Variants in ALOX5 observed in about 807,000 individuals in gnomAD.
ALOX5 encodes the protein arachidonate 5-lipoxygenase, also known as polyunsaturated fatty acid 5-lipoxygenase.
ALOX5 carries 64 observed loss-of-function variants against 87.9 expected under a neutral mutation model. The observed-to-expected ratio is 0.73, with a 90% CI of 0.60 to 0.90. The LOEUF (loss-of-function observed/expected upper bound fraction) is 0.90. Among genes scored for constraint, ALOX5 ranks in the 40% least tolerant of loss-of-function variants. The pLI, the probability that ALOX5 is intolerant of heterozygous loss-of-function variation, is 0.00. For synonymous variants in ALOX5, 388 were observed against 355.1 expected, an observed-to-expected ratio of 1.09 and a Z score of -1.04; for missense variants, 822 against 907.5, an observed-to-expected ratio of 0.91 and a Z score of 1.21.
chr10:45,428,419 C>T (rs1237019834), intron 6 of ALOX5, 199 bp from the exon 7 acceptor site: 2 of 635,322 alleles, frequency 3.1e-6, no homozygotes, highest in African/African-American at 1.8e-5. Context: ...CTTCATCTTA[C>T]CCCGAACTGC....
intron 6 of ALOX5, among the ~76,000 whole-genome samples, chr10:45,427,744 A>G (rs1385212182): frequency 6.6e-6 from 1 of 152,030 alleles, no homozygotes; most frequent in Non-Finnish European, 1.5e-5. Context: ...CAGCAGGCCT[A>G]CCCTGCACCT....
intron 7 of ALOX5, among the ~76,000 whole-genome samples, chr10:45,438,763 G>A (rs1842133609): frequency 6.6e-6 from 1 of 152,206 alleles, no homozygotes; most frequent in Non-Finnish European, 1.5e-5. Context: ...AATTTTTCAA[G>A]AAAACCAGGT....
In ALOX5 at chr10:45,445,543, C is replaced by G; in HGVS notation, c.1881C>G (p.Ile627Met). 1 of 1,614,122 alleles carries G rather than the reference C, an allele frequency of 6.2e-7. No homozygotes were observed. The highest frequency in any genetic ancestry group is 8.5e-7 in the Non-Finnish European group (1 of 1,180,002). ...GCATGTACCCAGAAGAGCATTTTAT[C>G]GAGAAGCCTGTGAAGGAAGCCATGG... ...FLGMYPEEHFIEKPVKEAMAR... is the reference protein window; with the variant it reads ...FLGMYPEEHFMEKPVKEAMAR... The change falls in exon 14 of 14, where the codon ATC becomes ATG. Residue 627 changes from isoleucine to methionine, a missense_variant. Coordinates refer to ENST00000374391, the MANE Select transcript of ALOX5 (RefSeq NM_000698.5).
chr10:45,421,590 G>T (rs889494178), intron 4 of ALOX5, among the ~76,000 whole-genome samples: 1 of 152,260 alleles, frequency 6.6e-6, no homozygotes, highest in Non-Finnish European at 1.5e-5. Flanking sequence ...CTGACGAGGG[G>T]TGCTGGGGGA....
intron 3 of ALOX5, among the ~76,000 whole-genome samples, chr10:45,407,462 G>C (rs1840925811): frequency 6.6e-6 from 1 of 151,882 alleles, no homozygotes; most frequent in Non-Finnish European, 1.5e-5. Flanking sequence ...ATCATTTTAG[G>C]AAATTTATTT....
At chr10:45,429,531 G>A (rs768367905) in intron 7 of ALOX5, among the ~76,000 whole-genome samples, 3 of 152,188 alleles carry the variant, frequency 2.0e-5, no homozygotes, top group South Asian at 4.1e-4. Context: ...CCTTACCCTC[G>A]ATTCTAAATC....
chr10:45,417,927 C>A (rs1480948219), intron 4 of ALOX5, among the ~76,000 whole-genome samples: 1 of 152,208 alleles, frequency 6.6e-6, no homozygotes, highest in Non-Finnish European at 1.5e-5. Context: ...GAGGTCCCCT[C>A]CCCTGTACTC....
At chr10:45,428,388 C>G (rs1841803153) in intron 6 of ALOX5, 1 of 567,640 alleles carries the variant, frequency 1.8e-6, no homozygotes, top group Admixed American at 3.2e-5. Context: ...ACCACAAATG[C>G]CGAATGAGCT....
chr10:45,423,405 T>G (rs2132801648), intron 4 of ALOX5, among the ~76,000 whole-genome samples: 1 of 152,346 alleles, frequency 6.6e-6, no homozygotes, highest in East Asian at 1.9e-4. Flanking sequence ...GGAGGAAGCC[T>G]GGGAAGTCTC....
chr10:45,436,848 A>ATT (rs1193916737), intron 7 of ALOX5, among the ~76,000 whole-genome samples: 1 of 152,022 alleles, frequency 6.6e-6, no homozygotes, highest in African/African-American at 2.4e-5. Flanking sequence ...CTTCCAACCC[A>ATT]TTAGCTGGGA....
intron 2 of ALOX5, among the ~76,000 whole-genome samples, chr10:45,395,157 G>A (rs1486575188): frequency 5.9e-5 from 9 of 152,122 alleles, no homozygotes; most frequent in Non-Finnish European, 1.0e-4. Flanking sequence ...ACATGCACAC[G>A]TATGTTTATT....
In ALOX5 at chr10:45,443,236, T is replaced by C. The variant is rs772110681; in HGVS notation, c.1451+20T>C. 6.2e-7 allele frequency: 1 copy of C among 1,608,098 alleles called. No homozygotes were observed. The highest frequency in any genetic ancestry group is 2.2e-5 in the East Asian group (1 of 44,798). The stretch of plus-strand genomic sequence containing the variant: ...CAGGACGTGAGCGCCCGCGGGGCGG[T>C]GGTCCTGGGGGAGGAGCCGGGACCC... On this transcript the variant is annotated intron_variant, in intron 10 of 13. Transcript: ENST00000374391.
intron 2 of ALOX5, among the ~76,000 whole-genome samples, chr10:45,384,604 G>T (rs142213734): frequency 4.6e-5 from 7 of 152,178 alleles, no homozygotes; most frequent in Admixed American, 6.5e-5. Context: ...TGTCCTCTGG[G>T]TGCCTGCATT....
At chr10:45,441,550 C>T (rs1842236099) in intron 9 of ALOX5, 120 bp downstream of exon 9, 1 of 992,358 alleles carries the variant, frequency 1.0e-6, no homozygotes, top group South Asian at 1.5e-5. Context: ...GGAGTCTGCT[C>T]AGAGCACTGG....
At position 45,442,008 on chromosome 10, in the gene ALOX5, C is replaced by T. The variant is rs562817047; in HGVS notation, c.1272+578C>T. Among the ~76,000 whole-genome samples the T allele has an allele frequency of 3.5e-4, 53 of 152,280 alleles. 1 individual carries two copies. In the South Asian group the frequency reaches 5.2e-3, roughly 15 times the overall value. On this transcript the variant is annotated intron_variant, in intron 9 of 13. Transcript: ENST00000374391. ...CCTCCTTTCCCCAGCCCATTAGTGA[C>T]CAGGCCAGATGACCACTGAAGTTGA...
chr10:45,382,693 A>G lies in ALOX5; in HGVS notation c.349+12A>G, dbSNP rs896344846. The G allele has an allele frequency of 6.2e-7, 1 of 1,608,410 alleles. No homozygotes were observed. The highest frequency in any genetic ancestry group is 8.5e-7 in the Non-Finnish European group (1 of 1,177,386). On this transcript the variant is annotated intron_variant, in intron 2 of 13. Transcript: ENST00000374391. ...GAGGGATGGACGCGGTGAGCAGCTC[A>G]GGCCCCTTCTGCCCCGGGCTTCCCA...
At chr10:45,397,154 G>A (rs1039266196) in intron 3 of ALOX5, among the ~76,000 whole-genome samples, 11 of 152,150 alleles carry the variant, frequency 7.2e-5, no homozygotes, top group Admixed American at 3.3e-4. Context: ...AGGCCAAGGC[G>A]GGTGGATCAC....
At chr10:45,432,592 G>A (rs537094799) in intron 7 of ALOX5, among the ~76,000 whole-genome samples, 1 of 152,248 alleles carries the variant, frequency 6.6e-6, no homozygotes, top group East Asian at 1.9e-4. Context: ...CACTGCCTTT[G>A]CATGAGAAGA....
chr10:45,388,435 C>A (rs1840078558), intron 2 of ALOX5, among the ~76,000 whole-genome samples: 1 of 152,220 alleles, frequency 6.6e-6, no homozygotes, highest in African/African-American at 2.4e-5. Flanking sequence ...CTGGGAGGCA[C>A]CCTCCAGTAG....
Sources: gnomAD v4.1 joint callset for allele counts (sites outside exome capture counted in the v4.1 genomes callset) on GRCh38, gnomAD v4.1.1 for gene constraint, MANE v1.5 for transcripts, NCBI Gene and HGNC (gene_info 2026-07-23, HGNC 2026-07-21) for gene names.